The following TESC variants were observed in gnomAD, a reference collection of about 807,000 sequenced individuals.
TESC encodes the protein calcineurin B homologous protein 3.
In TESC, 19 loss-of-function variants were observed where a neutral mutation model predicts 31.0. The observed-to-expected ratio is 0.61, with a 90% confidence interval of 0.43 to 0.90. The LOEUF is 0.90. Ranked by LOEUF, TESC falls within the 40% of genes least tolerant of loss-of-function variation. TESC has a pLI of 0.00. For missense variants in TESC, 248 were observed against 303.8 expected, an observed-to-expected ratio of 0.82 and a Z score of 1.36; for synonymous variants, 109 against 114.8, an observed-to-expected ratio of 0.95 and a Z score of 0.32.
At chr12:117,073,624 T>C (rs1472338502) in intron 2 of TESC, among the ~76,000 whole-genome samples, 1 of 152,174 alleles carries the variant, frequency 6.6e-6, no homozygotes, top group African/African-American at 2.4e-5. Context: ...CCTGGAGTAT[T>C]AGAAGGTTTG....
chr12:117,075,448 C>T (rs1565971138), intron 1 of TESC, 108 bp from the exon 2 acceptor site: 1 of 1,175,606 alleles, frequency 8.5e-7, no homozygotes, highest in Non-Finnish European at 1.2e-6. Context: ...CTGCCACACC[C>T]CTTCTCAAAG....
At chr12:117,061,117 T>A (rs558063523) in intron 2 of TESC, among the ~76,000 whole-genome samples, 43 of 152,148 alleles carry the variant, frequency 2.8e-4, no homozygotes, top group Non-Finnish European at 4.7e-4. Flanking sequence ...AGGGTTGCCG[T>A]ACAGTTTAGA....
chr12:117,042,603 G>A (rs1325954158), intron 6 of TESC, among the ~76,000 whole-genome samples: 2 of 152,234 alleles, frequency 1.3e-5, no homozygotes. Flanking sequence ...GCCACAAGGA[G>A]CCTCTCCCTG....
intron 2 of TESC, among the ~76,000 whole-genome samples, chr12:117,073,652 G>T (rs562671370): frequency 3.9e-5 from 6 of 152,186 alleles, no homozygotes. Flanking sequence ...GTTCCAACAA[G>T]CTGTAACCTT....
chr12:117,057,661 G>C (rs555647342), intron 2 of TESC, among the ~76,000 whole-genome samples: 2 of 152,298 alleles, frequency 1.3e-5, no homozygotes, highest in East Asian at 3.9e-4. Flanking sequence ...AAAAACCTGT[G>C]TGTGAATTTC....
chr12:117,064,230 G>T (rs749043036), intron 2 of TESC, among the ~76,000 whole-genome samples: 1 of 152,180 alleles, frequency 6.6e-6, no homozygotes, highest in South Asian at 2.1e-4. Flanking sequence ...GGGCATTCAC[G>T]TACACATGAA....
chr12:117,039,342 C>T (rs1565955647), intron 7 of TESC, 132 bp from the exon 8 acceptor site: 19 of 832,874 alleles, frequency 2.3e-5, no homozygotes, highest in Non-Finnish European at 3.7e-5. Flanking sequence ...AGGTGAAAAC[C>T]AGAGGGCTGT....
intron 1 of TESC, among the ~76,000 whole-genome samples, chr12:117,086,027 A>C (rs1955215144): frequency 6.6e-6 from 1 of 152,192 alleles, no homozygotes. Context: ...AAGGGATAAC[A>C]CTAGATATAC....
chr12:117,068,827 C>T (rs117831534), intron 2 of TESC, among the ~76,000 whole-genome samples: 8,501 of 152,246 alleles, frequency 0.056, 314 homozygotes, highest in Non-Finnish European at 0.082. Context: ...TATTCCATAG[C>T]GTCTATTTCT....
At chr12:117,070,018 G>A (rs1229973255) in intron 2 of TESC, among the ~76,000 whole-genome samples, 1 of 152,210 alleles carries the variant, frequency 6.6e-6, no homozygotes, top group African/African-American at 2.4e-5. Context: ...GGGGTGCCAG[G>A]GGCCTTCACT....
intron 2 of TESC, among the ~76,000 whole-genome samples, chr12:117,062,887 AG>A (rs1392486350): frequency 6.6e-6 from 1 of 152,176 alleles, no homozygotes; most frequent in Non-Finnish European, 1.5e-5. Flanking sequence ...GGCTGACGGC[AG>A]GTCACTGCCC....
At chr12:117,067,877 C>G (rs529988842) in intron 2 of TESC, among the ~76,000 whole-genome samples, 11 of 152,258 alleles carry the variant, frequency 7.2e-5, no homozygotes, top group Admixed American at 2.0e-4. Flanking sequence ...AGCTGGGCTC[C>G]CATTTCTGCT....
intron 2 of TESC, among the ~76,000 whole-genome samples, chr12:117,069,318 C>T (rs1038826777): frequency 2.0e-5 from 3 of 152,188 alleles, no homozygotes; most frequent in South Asian, 4.1e-4. Context: ...CAGCTCATTG[C>T]GACCTCTCCC....
chr12:117,088,100 T>C (rs1955244877), intron 1 of TESC, among the ~76,000 whole-genome samples: 1 of 152,180 alleles, frequency 6.6e-6, no homozygotes, highest in Admixed American at 6.5e-5. Flanking sequence ...TCCATGACTT[T>C]AGATTCTATT....
chr12:117,047,693 G>A (rs980181993), intron 4 of TESC, among the ~76,000 whole-genome samples: 1 of 151,922 alleles, frequency 6.6e-6, no homozygotes, highest in African/African-American at 2.4e-5. Context: ...CAAAGTGCTG[G>A]GATTACAGGT....
At chr12:117,085,711 G>C (rs139951355) in intron 1 of TESC, among the ~76,000 whole-genome samples, 1 of 152,210 alleles carries the variant, frequency 6.6e-6, no homozygotes, top group Non-Finnish European at 1.5e-5. Context: ...TGGATGGAAA[G>C]GTGAGCTCCT....
intron 1 of TESC, among the ~76,000 whole-genome samples, chr12:117,081,297 T>C (rs1422665100): frequency 6.6e-6 from 1 of 152,172 alleles, no homozygotes; most frequent in Non-Finnish European, 1.5e-5. Context: ...ATATTGATCA[T>C]ATGGTAAAAA....
chr12:117,071,155 C>T (rs978027680), intron 2 of TESC, among the ~76,000 whole-genome samples: 3 of 152,198 alleles, frequency 2.0e-5, no homozygotes, highest in Non-Finnish European at 4.4e-5. Flanking sequence ...ACGTAGGCCA[C>T]GCTTCCTGCG....
intron 6 of TESC, among the ~76,000 whole-genome samples, chr12:117,043,736 G>T (rs761266313): frequency 2.0e-5 from 3 of 152,174 alleles, no homozygotes; most frequent in African/African-American, 7.2e-5. Context: ...AAAGTGCTGG[G>T]ATTACAGGTG....
Sources: gnomAD v4.1 joint callset for allele counts (sites outside exome capture counted in the v4.1 genomes callset) on GRCh38, gnomAD v4.1.1 for gene constraint, MANE v1.5 for transcripts, NCBI Gene and HGNC (gene_info 2026-07-23, HGNC 2026-07-21) for gene names.